The following EHF variants were observed in gnomAD, a reference collection of about 807,000 sequenced individuals.
EHF encodes the protein ETS homologous factor.
A neutral mutation model predicts 45.1 loss-of-function variants in EHF; 14 were observed. The ratio of observed to expected loss-of-function variants is 0.31; its 90% confidence interval spans 0.21 to 0.49. The LOEUF (loss-of-function observed/expected upper bound fraction) is 0.49, where lower values mean the gene tolerates loss of function less well. EHF is among the 20% of genes least tolerant of loss of function. EHF has a pLI of 0.99. For missense variants in EHF, 282 were observed against 371.4 expected, an observed-to-expected ratio of 0.76 and a Z score of 1.98; for synonymous variants, 136 against 131.8, an observed-to-expected ratio of 1.03 and a Z score of -0.22.
In EHF at chr11:34,661,547, C is replaced by T. The variant is rs1016557671; in HGVS notation, c.*2616C>T. 2.6e-5 allele frequency among the ~76,000 whole-genome samples: 4 copies of T among 152,096 alleles called. No individual in the cohort carries two copies. The highest frequency in any genetic ancestry group is 9.7e-5 in the African/African-American group (4 of 41,426). Reference sequence around the variant, plus strand: ...GTGAAGGTTTCTTGGCATCTGGTGCCTGATTAAGGCTTGAGTATTAAGTTC... The same window carrying T: ...GTGAAGGTTTCTTGGCATCTGGTGCTTGATTAAGGCTTGAGTATTAAGTTC... On this transcript the variant is annotated 3_prime_UTR_variant, in exon 9 of 9. Coordinates refer to ENST00000257831, the MANE Select transcript of EHF (RefSeq NM_012153.6).
At chr11:34,632,412 C>T in intron 1 of EHF, 2 of 1,409,992 alleles carry the variant, frequency 1.4e-6, no homozygotes, top group South Asian at 1.4e-5. Context: ...TCCTGACCCT[C>T]CTACACATAA....
At chr11:34,644,000 G>C (rs1376726346) in intron 2 of EHF, among the ~76,000 whole-genome samples, 1 of 152,174 alleles carries the variant, frequency 6.6e-6, no homozygotes, top group Non-Finnish European at 1.5e-5. Context: ...ATGGCAGAGA[G>C]GATGTGAACT....
chr11:34,630,885 T>TC (rs879626600), intron 1 of EHF, among the ~76,000 whole-genome samples: 178 of 151,424 alleles, frequency 1.2e-3, no homozygotes, highest in Non-Finnish European at 2.2e-3. Context: ...TAAGCCCCCC[T>TC]CCCCCATGAA....
Position 34,632,800 on chromosome 11 carries a change from T to A in EHF, c.-3-9828T>A. 3.1e-6 allele frequency: 3 copies of A among 972,710 alleles called. No individual in the cohort carries two copies. In the Admixed American group the frequency reaches 6.3e-5, roughly 20 times the overall value. The allele number at this position is 972,710 out of a possible 1,614,324, so 60.3% of individuals were successfully genotyped here. On this transcript the variant is annotated intron_variant, in intron 1 of 8. Coordinates refer to ENST00000257831, the MANE Select transcript of EHF (RefSeq NM_012153.6). The stretch of plus-strand genomic sequence containing the variant: ...AAGCCGTGTCCTTGTGAATAGTCCA[T>A]CAGGGTAGGGCAGCGTCTATGTTTT...
intron 1 of EHF, among the ~76,000 whole-genome samples, chr11:34,633,811 A>G (rs575874578): frequency 3.2e-4 from 49 of 152,270 alleles, no homozygotes; most frequent in Admixed American, 3.2e-3. Context: ...CTTTTGATCA[A>G]CTTGAGTGCC....
intron 1 of EHF, among the ~76,000 whole-genome samples, chr11:34,639,140 G>A (rs1442608233): frequency 2.0e-5 from 3 of 152,118 alleles, no homozygotes; most frequent in Admixed American, 1.3e-4. Context: ...AAAGGTTAAC[G>A]TGCTCAAGGT....
chr11:34,658,846 G>C lies in EHF; in HGVS notation c.818G>C (p.Arg273Thr). ...LSRAMRYYYK[R>T]EILERVDGRR... ...CTTTGTTACAGATATTACTACAAAA[G>C]AGAAATTCTGGAGCGTGTGGATGGA... The change falls in exon 9 of 9, where the codon AGA becomes ACA. Residue 273 changes from arginine to threonine, a missense_variant. By Grantham distance (71) the Arg-to-Thr change is moderately conservative (BLOSUM62 -1). Coordinates refer to ENST00000257831, the MANE Select transcript of EHF (RefSeq NM_012153.6). 1 of 1,612,028 alleles carries C rather than the reference G, an allele frequency of 6.2e-7. No homozygotes were observed. The highest frequency in any genetic ancestry group is 8.5e-7 in the Non-Finnish European group (1 of 1,179,328).
At chr11:34,630,013 T>C (rs1852729238) in intron 1 of EHF, among the ~76,000 whole-genome samples, 2 of 152,216 alleles carry the variant, frequency 1.3e-5, no homozygotes, top group Non-Finnish European at 2.9e-5. Flanking sequence ...GGCTGTGAAC[T>C]GTGTTTCTGT....
At chr11:34,628,846 T>C (rs969482291) in intron 1 of EHF, among the ~76,000 whole-genome samples, 8 of 152,204 alleles carry the variant, frequency 5.3e-5, no homozygotes, top group Non-Finnish European at 1.2e-4. Flanking sequence ...GTCACGAGTG[T>C]GCAACCTGTG....
At chr11:34,634,826 G>A (rs1853233749) in intron 1 of EHF, among the ~76,000 whole-genome samples, 1 of 152,170 alleles carries the variant, frequency 6.6e-6, no homozygotes, top group African/African-American at 2.4e-5. Context: ...GGAGAATGCT[G>A]TGACCATGTC....
intron 1 of EHF, among the ~76,000 whole-genome samples, chr11:34,630,545 T>G (rs1169535432): frequency 6.6e-6 from 1 of 152,136 alleles, no homozygotes; most frequent in Non-Finnish European, 1.5e-5. Context: ...CTTGAACATC[T>G]TGGTCTTTTC....
rs544564786 is a variant in EHF at position 34,648,434 on chromosome 11, G to A, written c.344-585G>A. ...TTGCAAGCAAACAAGGTCATGTGAT[G>A]TGTACTGCTTGTACATGTGCTGAGG... On this transcript the variant is annotated intron_variant, in intron 3 of 8. Transcript: ENST00000257831. Among the ~76,000 whole-genome samples, 3 of 152,176 alleles carry A rather than the reference G, an allele frequency of 2.0e-5. No individual in the cohort carries two copies. In the South Asian group the frequency reaches 6.2e-4, roughly 32 times the overall value.
intron 2 of EHF, among the ~76,000 whole-genome samples, chr11:34,644,265 A>G (rs1484863190): frequency 1.3e-5 from 2 of 152,218 alleles, no homozygotes; most frequent in Non-Finnish European, 2.9e-5. Flanking sequence ...ATAGCAACAC[A>G]ATTATTTTAG....
At chr11:34,651,919 G>T (rs1221920968) in intron 6 of EHF, 114 bp downstream of exon 6, 1 of 1,021,606 alleles carries the variant, frequency 9.8e-7, no homozygotes, top group Non-Finnish European at 1.4e-6. Context: ...TAAAGGGCTA[G>T]GAAAGGGATG....
intron 7 of EHF, 49 bp from the exon 8 acceptor site, chr11:34,658,484 T>A (rs1402611404): frequency 2.0e-6 from 3 of 1,528,748 alleles, no homozygotes; most frequent in Non-Finnish European, 2.7e-6. Context: ...CTGCCCTATC[T>A]TTGCTGTGAC....
intron 1 of EHF, among the ~76,000 whole-genome samples, chr11:34,625,116 G>A (rs1852259209): frequency 6.6e-6 from 1 of 152,176 alleles, no homozygotes; most frequent in Admixed American, 6.5e-5. Flanking sequence ...GATGAGGCAG[G>A]AAAGATTAGC....
At chr11:34,651,932 GTTACCA>G in intron 6 of EHF, 127 bp downstream of exon 6, 1 of 907,320 alleles carries the variant, frequency 1.1e-6, no homozygotes, top group Non-Finnish European at 1.6e-6. Flanking sequence ...AAGGGATGGG[GTTACCA>G]TTAGACGAGG....
intron 6 of EHF, among the ~76,000 whole-genome samples, chr11:34,654,961 C>T (rs1357205676): frequency 6.6e-6 from 1 of 152,184 alleles, no homozygotes; most frequent in African/African-American, 2.4e-5. Context: ...GTAAATGCCA[C>T]TCTTTGTCTG....
rs1856146804 is a variant in EHF, at chr11:34,662,469, C to G, written c.*3538C>G. 6.6e-6 allele frequency among the ~76,000 whole-genome samples: 1 copy of G among 151,948 alleles called. No individual in the cohort carries two copies. Among genetic ancestry groups the G allele is most frequent in the Non-Finnish European group, 1.5e-5 (1 of 67,980 alleles). On this transcript the variant is annotated 3_prime_UTR_variant, in exon 9 of 9. Transcript: ENST00000257831. The stretch of plus-strand genomic sequence containing the variant: ...CTGGTATGAGAAGCCAGTAATAAAC[C>G]TTTGACCTGTTTTAACCAATGAAGA...
Sources: gnomAD v4.1 joint callset for allele counts (sites outside exome capture counted in the v4.1 genomes callset) on GRCh38, gnomAD v4.1.1 for gene constraint, MANE v1.5 for transcripts, NCBI Gene and HGNC (gene_info 2026-07-23, HGNC 2026-07-21) for gene names.